SORT1: variants seen among roughly 807,000 people sequenced by gnomAD.
SORT1 encodes sortilin.
A neutral mutation model predicts 101.7 loss-of-function variants in SORT1; 39 were observed. The observed-to-expected ratio is 0.38, with a 90% CI of 0.30 to 0.50. The LOEUF is 0.50. Ranked by LOEUF, SORT1 falls within the 20% of genes least tolerant of loss-of-function variation. SORT1 has a pLI of 0.90. For synonymous variants in SORT1, 396 were observed against 393.7 expected (o/e 1.01, Z -0.07); for missense variants, 878 against 1,040.4 (o/e 0.84, Z 2.15).
intron 1 of SORT1, among the ~76,000 whole-genome samples, chr1:109,379,860 GAAAAACTGGCTATTTGGAAA>G (rs1248144445): frequency 6.6e-6 from 1 of 152,032 alleles, no homozygotes; most frequent in East Asian, 1.9e-4. Context: ...AAGAACACTG[GAAAAACTGGCTATTTGGAAA>G]AAAAATAAAA....
chr1:109,365,386 C>A (rs1651012313), intron 3 of SORT1, among the ~76,000 whole-genome samples: 1 of 152,148 alleles, frequency 6.6e-6, no homozygotes, highest in Admixed American at 6.5e-5. Flanking sequence ...CCATGCCCAG[C>A]TAATTTTGTG....
chr1:109,317,022 C>G (rs1647265845), intron 16 of SORT1, 64 bp from the exon 17 acceptor site: 7 of 1,060,824 alleles, frequency 6.6e-6, no homozygotes, highest in Non-Finnish European at 9.9e-6. Flanking sequence ...CTGCCTATTT[C>G]TTGGAAACAA....
At chr1:109,390,801 G>GCA (rs887404601) in intron 1 of SORT1, among the ~76,000 whole-genome samples, 1 of 125,760 alleles carries the variant, frequency 8.0e-6, no homozygotes, top group Non-Finnish European at 1.6e-5. Flanking sequence ...GTGTGTGTGC[G>GCA]CGCGCGCGTT....
At chr1:109,318,322 T>C (rs1455345738) in intron 15 of SORT1, among the ~76,000 whole-genome samples, 5 of 152,122 alleles carry the variant, frequency 3.3e-5, no homozygotes, top group Non-Finnish European at 1.5e-5. Context: ...CTGGCTAATT[T>C]TTTATTTTTA....
At chr1:109,347,134 G>C (rs1339298446) in intron 7 of SORT1, among the ~76,000 whole-genome samples, 1 of 152,236 alleles carries the variant, frequency 6.6e-6, no homozygotes, top group Non-Finnish European at 1.5e-5. Context: ...AGTTGTGTCA[G>C]AGTTTGGGAA....
chr1:109,332,038 A>C (rs1310236756), intron 11 of SORT1, among the ~76,000 whole-genome samples: 1 of 9,144 alleles, frequency 1.1e-4, no homozygotes. Flanking sequence ...TGAAGATGAC[A>C]AAAAAAAAAA....
intron 16 of SORT1, among the ~76,000 whole-genome samples, chr1:109,317,334 A>C (rs996919479): frequency 6.6e-6 from 1 of 152,160 alleles, no homozygotes; most frequent in East Asian, 1.9e-4. Flanking sequence ...GGCTACTTAA[A>C]ATTGATTAAA....
At position 109,342,109 on chromosome 1, in the gene SORT1, C is replaced by T. The variant is rs745578329; in HGVS notation, c.1013G>A (p.Ser338Asn). The change falls in exon 9 of 20, where the codon AGC becomes AAC. Residue 338 changes from serine to asparagine, a missense_variant. Transcript: ENST00000256637. ...TCCCACGGAGGGGAGCTGGGCCATG[C>T]TCCATGTGTCCCCTTGATCTGTTGA... ...HVSTDQGDTWSMAQLPSVGQE... is the reference protein window; with the variant it reads ...HVSTDQGDTWNMAQLPSVGQE... 5 of 1,612,444 alleles carry T rather than the reference C, an allele frequency of 3.1e-6. No individual in the cohort carries two copies. The highest frequency in any genetic ancestry group is 4.2e-6 in the Non-Finnish European group (5 of 1,178,566).
chr1:109,381,059 G>T (rs1393074555), intron 1 of SORT1, among the ~76,000 whole-genome samples: 1 of 152,018 alleles, frequency 6.6e-6, no homozygotes, highest in Non-Finnish European at 1.5e-5. Flanking sequence ...ACGGTGGGTG[G>T]GAGTACATAA....
Position 109,397,902 on chromosome 1 carries a change from A to ATGCCGCCGAC in SORT1, c.-20_-11dup, listed in dbSNP as rs1481875343. The stretch of plus-strand genomic sequence containing the variant: ...CCCAGGGCCGCTCCATCGCCGCCGA[A>ATGCCGCCGAC]TGCCGCCGACGCCGACACCTGCCGC... On this transcript the variant is annotated 5_prime_UTR_variant, in exon 1 of 20. Transcript: ENST00000256637. 44 of 1,150,598 alleles carry ATGCCGCCGAC rather than the reference A, an allele frequency of 3.8e-5. No homozygotes were observed. Among genetic ancestry groups the ATGCCGCCGAC allele is most frequent in the Non-Finnish European group, 4.5e-5 (42 of 937,878 alleles). 71.3% of individuals were successfully genotyped at this position (1,150,598 alleles called of 1,614,324 possible). A position where few individuals can be genotyped will look rare whatever the true frequency, so the allele number is the denominator to read the frequency against.
Position 109,397,408 on chromosome 1 carries a change from GCCGGCCGC to G in SORT1, c.306+171_306+178del, listed in dbSNP as rs946999805. The stretch of plus-strand genomic sequence containing the variant: ...CTCCCCTATGACAAAACACAGCCCC[GCCGGCCGC>G]CCGGGCCCGACTCCGCCCGCCCGCC... On this transcript the variant is annotated intron_variant, in intron 1 of 19. Transcript: ENST00000256637. 7 of 195,686 alleles carry G rather than the reference GCCGGCCGC, an allele frequency of 3.6e-5. No homozygotes were observed. In the Admixed American group the frequency reaches 4.4e-4, roughly 12 times the overall value. The allele number at this position is 195,686 out of a possible 1,614,324, so 12.1% of individuals were successfully genotyped here. A position where few individuals can be genotyped will look rare whatever the true frequency, so the allele number is the denominator to read the frequency against.
chr1:109,330,474 C>T (rs1338717694), intron 11 of SORT1, among the ~76,000 whole-genome samples: 1 of 152,050 alleles, frequency 6.6e-6, no homozygotes, highest in Non-Finnish European at 1.5e-5. Flanking sequence ...TTAAGGGATG[C>T]AGCAAAAGCA....
intron 11 of SORT1, among the ~76,000 whole-genome samples, chr1:109,335,554 T>C (rs1648754420): frequency 1.3e-5 from 2 of 152,000 alleles, no homozygotes; most frequent in Non-Finnish European, 2.9e-5. Context: ...GTGATACAGA[T>C]ACTAAGGAGG....
At chr1:109,376,729 C>T (rs903001928) in intron 1 of SORT1, among the ~76,000 whole-genome samples, 16 of 152,074 alleles carry the variant, frequency 1.1e-4, no homozygotes, top group African/African-American at 3.9e-4. Flanking sequence ...ACAACAGAAA[C>T]GGGATTATTA....
At chr1:109,383,693 AG>A (rs1337995760) in intron 1 of SORT1, among the ~76,000 whole-genome samples, 4 of 152,216 alleles carry the variant, frequency 2.6e-5, no homozygotes, top group Non-Finnish European at 4.4e-5. Context: ...TTTTGCAGGC[AG>A]GAAGAAAATC....
intron 9 of SORT1, among the ~76,000 whole-genome samples, chr1:109,341,803 C>T (rs780465711): frequency 2.0e-5 from 3 of 152,150 alleles, no homozygotes; most frequent in Non-Finnish European, 4.4e-5. Flanking sequence ...ATTCTTTGAG[C>T]AGCTCTGCTC....
At chr1:109,393,638 T>C (rs950686171) in intron 1 of SORT1, among the ~76,000 whole-genome samples, 2 of 152,176 alleles carry the variant, frequency 1.3e-5, no homozygotes, top group African/African-American at 2.4e-5. Flanking sequence ...CAGTTAAAAA[T>C]GTGGCATGAA....
intron 1 of SORT1, among the ~76,000 whole-genome samples, chr1:109,384,319 G>T (rs112025236): frequency 6.6e-6 from 1 of 152,066 alleles, no homozygotes; most frequent in Non-Finnish European, 1.5e-5. Context: ...TTATTAAACC[G>T]GTTAGAATTG....
At chr1:109,367,580 T>C in intron 2 of SORT1, 99 bp from the exon 3 acceptor site, 1 of 729,914 alleles carries the variant, frequency 1.4e-6, no homozygotes, top group Non-Finnish European at 2.4e-6. Context: ...ACTTTTGATA[T>C]CCCTACTTTG....
Sources: gnomAD v4.1 joint callset for allele counts (sites outside exome capture counted in the v4.1 genomes callset) on GRCh38, gnomAD v4.1.1 for gene constraint, MANE v1.5 for transcripts, NCBI Gene and HGNC (gene_info 2026-07-23, HGNC 2026-07-21) for gene names.